The following TAB2 variants were observed in gnomAD, a reference collection of about 807,000 sequenced individuals.
The protein encoded by TAB2 is TGF-beta-activated kinase 1 and MAP3K7-binding protein 2.
In TAB2, 3 loss-of-function variants were observed where a neutral mutation model predicts 65.0. The ratio of observed to expected loss-of-function variants is 0.05; its 90% confidence interval spans 0.02 to 0.12. The LOEUF (loss-of-function observed/expected upper bound fraction) is 0.12, where lower values mean the gene tolerates loss of function less well. Ranked by LOEUF, TAB2 falls within the 10% of genes least tolerant of loss-of-function variation. The pLI, the probability that TAB2 is intolerant of heterozygous loss-of-function variation, is 1.00. For missense variants in TAB2, 623 were observed against 840.3 expected (o/e 0.74, Z 3.20); for synonymous variants, 298 against 285.1 (o/e 1.05, Z -0.46).
intron 1 of TAB2, among the ~76,000 whole-genome samples, chr6:149,307,180 G>C (rs1779087457): frequency 6.6e-6 from 1 of 151,708 alleles, no homozygotes; most frequent in African/African-American, 2.4e-5. Context: ...AGGCCCCCGA[G>C]TCTCACAAAA....
intron 6 of TAB2, among the ~76,000 whole-genome samples, chr6:149,405,649 A>G (rs931141786): frequency 2.6e-5 from 4 of 152,224 alleles, no homozygotes; most frequent in African/African-American, 9.7e-5. Flanking sequence ...AGCCGGAGAA[A>G]GACAAATACT....
chr6:149,262,838 C>T (rs1474075606), intron 1 of TAB2, among the ~76,000 whole-genome samples: 3 of 152,040 alleles, frequency 2.0e-5, no homozygotes, highest in Non-Finnish European at 4.4e-5. Context: ...GGGTCTCACT[C>T]TGTCACCCAG....
intron 3 of TAB2, among the ~76,000 whole-genome samples, chr6:149,385,211 A>T (rs1781749692): frequency 1.3e-5 from 2 of 152,208 alleles, no homozygotes; most frequent in South Asian, 4.1e-4. Context: ...TTTAATAAAA[A>T]ATGTTTATTG....
intron 1 of TAB2, among the ~76,000 whole-genome samples, chr6:149,302,304 T>A (rs1448258010): frequency 6.6e-6 from 1 of 152,220 alleles, no homozygotes; most frequent in Non-Finnish European, 1.5e-5. Flanking sequence ...GACTTAGACT[T>A]ACTTATAAAT....
intron 1 of TAB2, among the ~76,000 whole-genome samples, chr6:149,265,820 A>G (rs1778253343): frequency 1.3e-5 from 2 of 152,102 alleles, no homozygotes; most frequent in Admixed American, 6.6e-5. Flanking sequence ...CCACAATCTG[A>G]CACTGACCCG....
intron 2 of TAB2, among the ~76,000 whole-genome samples, chr6:149,371,373 C>T (rs1781221140): frequency 6.6e-6 from 1 of 152,110 alleles, no homozygotes; most frequent in African/African-American, 2.4e-5. Context: ...TTGACTAGGG[C>T]ATACAAGGTC....
At chr6:149,395,118 C>T (rs527592223) in intron 3 of TAB2, among the ~76,000 whole-genome samples, 6 of 152,246 alleles carry the variant, frequency 3.9e-5, no homozygotes, top group African/African-American at 1.4e-4. Flanking sequence ...GTGAGCTCCG[C>T]AAGGGCAAGG....
At chr6:149,385,297 CTTTG>C (rs1398089205) in intron 3 of TAB2, among the ~76,000 whole-genome samples, 6 of 152,196 alleles carry the variant, frequency 3.9e-5, no homozygotes, top group Admixed American at 1.3e-4. Flanking sequence ...AAAACTTGTA[CTTTG>C]TTTAACTTTA....
intron 1 of TAB2, among the ~76,000 whole-genome samples, chr6:149,301,785 C>G (rs1778976989): frequency 6.6e-6 from 1 of 152,096 alleles, no homozygotes; most frequent in Non-Finnish European, 1.5e-5. Flanking sequence ...ATGTTACAAC[C>G]TTTAAAATCT....
At chr6:149,356,677 G>A (rs1780663045) in intron 1 of TAB2, among the ~76,000 whole-genome samples, 1 of 152,118 alleles carries the variant, frequency 6.6e-6, no homozygotes, top group African/African-American at 2.4e-5. Context: ...TCATCTTGGG[G>A]GATAGGATGT....
intron 1 of TAB2, among the ~76,000 whole-genome samples, chr6:149,235,180 A>C: frequency 6.6e-6 from 1 of 152,262 alleles, no homozygotes; most frequent in East Asian, 1.9e-4. Flanking sequence ...CATTCAAGGC[A>C]AGGAAACATC....
chr6:149,276,738 A>G (rs571330452), intron 1 of TAB2, among the ~76,000 whole-genome samples: 3 of 152,232 alleles, frequency 2.0e-5, no homozygotes, highest in Non-Finnish European at 4.4e-5. Flanking sequence ...TAAAACCCCA[A>G]TGGAGGCGAT....
At chr6:149,400,693 T>TTC (rs1562454487) in intron 6 of TAB2, 1 of 1,611,788 alleles carries the variant, frequency 6.2e-7, no homozygotes, top group Non-Finnish European at 8.5e-7. Context: ...GGGAACCTGC[T>TTC]TCTTTACTCC....
chr6:149,257,789 C>T (rs558519733), intron 1 of TAB2, among the ~76,000 whole-genome samples: 2 of 152,180 alleles, frequency 1.3e-5, no homozygotes, highest in South Asian at 4.2e-4. Context: ...CTGGGCAGCA[C>T]TGATCTCATA....
At chr6:149,348,625 G>A (rs1220844486) in intron 1 of TAB2, among the ~76,000 whole-genome samples, 3 of 148,532 alleles carry the variant, frequency 2.0e-5, no homozygotes, top group African/African-American at 7.4e-5. Flanking sequence ...AAAAAAAAAA[G>A]GAATTATGGC....
chr6:149,317,404 G>T (rs1779282891), upstream of TAB2: 1 of 130,556 alleles, frequency 7.7e-6, no homozygotes, highest in Non-Finnish European at 1.5e-5. This position sits in a 1 kb window ranked among gnomAD's most constrained non-coding sequence, Gnocchi z 4.7. Context: ...GAGCATCCCC[G>T]GGCCGCAGCC....
Position 149,254,093 on chromosome 6 carries a change from GGAA to G in TAB2, c.-121+35319_-121+35321del, listed in dbSNP as rs1381601240. Among the ~76,000 whole-genome samples the G allele has an allele frequency of 7.2e-3, 779 of 108,254 alleles. 7 individuals are homozygous for G. The highest frequency in any genetic ancestry group is 9.8e-3 in the Non-Finnish European group (487 of 49,550). The allele number at this position is 108,254 out of a possible 152,430, so 71.0% of individuals were successfully genotyped here. A position where few individuals can be genotyped will look rare whatever the true frequency, so the allele number is the denominator to read the frequency against. On this transcript the variant is annotated intron_variant, in intron 1 of 1. Transcript: ENST00000606202. ...AGGAAGGAAGGAAGGAAGGAAGGAAGGAAGGAAGGAAGGAAGGAAGGACAGGGA... is the reference window on the plus strand; with the variant it reads ...AGGAAGGAAGGAAGGAAGGAAGGAAGGGAAGGAAGGAAGGAAGGACAGGGA...
At chr6:149,231,293 AAC>A (rs1305150131) in intron 1 of TAB2, among the ~76,000 whole-genome samples, 1 of 152,368 alleles carries the variant, frequency 6.6e-6, no homozygotes, top group African/African-American at 2.4e-5. Flanking sequence ...TGTGAGCTTG[AAC>A]AGTCACCACT....
intron 1 of TAB2, among the ~76,000 whole-genome samples, chr6:149,297,068 C>T (rs923467151): frequency 6.6e-6 from 1 of 152,010 alleles, no homozygotes. Flanking sequence ...CTATCTCTCT[C>T]TCTCTCTTTC....
Sources: allele counts gnomAD v4.1 joint callset (sites outside exome capture counted in the v4.1 genomes callset), GRCh38; gene constraint gnomAD v4.1.1; non-coding constraint Gnocchi (gnomAD v3.1); transcripts MANE v1.5; gene names NCBI Gene and HGNC (gene_info 2026-07-23, HGNC 2026-07-21).